RSRP1: variants seen among roughly 807,000 people sequenced by gnomAD.
RSRP1 encodes the protein arginine/serine-rich protein 1.
Under a neutral mutation model 33.0 loss-of-function variants are expected in RSRP1, and 37 were observed. That is an observed-to-expected ratio of 1.12 (90% CI 0.86 to 1.48). The LOEUF (loss-of-function observed/expected upper bound fraction) is 1.48. Among genes scored for constraint, RSRP1 ranks in the 40% most tolerant of loss-of-function variants. RSRP1 has a pLI of 0.00. For missense variants in RSRP1, 402 were observed against 385.3 expected (o/e 1.04, Z -0.36); for synonymous variants, 167 against 158.7 (o/e 1.05, Z -0.40).
At position 25,290,791 on chromosome 1, in the gene RSRP1, C is replaced by T. The variant is rs371990272; in HGVS notation, c.-66-43762G>A. 1.3e-5 allele frequency: 18 copies of T among 1,376,208 alleles called. 4 individuals carry two copies. The highest frequency in any genetic ancestry group is 1.8e-4 in the Middle Eastern group (1 of 5,516). 85.2% of individuals were successfully genotyped at this position (1,376,208 alleles called of 1,614,324 possible). On this transcript the variant is annotated intron_variant, in intron 1 of 1. Transcript: ENST00000561867. ...GGATGGTCATCAGTAATATCTTCAA[C>T]GTGAGTCATGGTGCTGGGAGGAGGG...
At chr1:25,264,329 C>T (rs528961931) in intron 1 of RSRP1, among the ~76,000 whole-genome samples, 1 of 152,094 alleles carries the variant, frequency 6.6e-6, no homozygotes, top group South Asian at 2.1e-4. Flanking sequence ...GGCATCCAGG[C>T]ATTTCCGCAC....
intron 3 of RSRP1, chr1:25,244,507 CAGAAAT>C (rs1222134498): frequency 5.4e-6 from 7 of 1,289,164 alleles, no homozygotes; most frequent in South Asian, 1.2e-5. Context: ...TTCTATAAGA[CAGAAAT>C]AGAGCAGATA....
chr1:25,319,331 TA>T lies in RSRP1; in HGVS notation c.-67+18646del, dbSNP rs1348436767. ...TTTTTGACATGAGCAAACTGGTGAT[TA>T]AAAACAACTTGGGTGGCTCATACTT... On this transcript the variant is annotated intron_variant, in intron 1 of 1. Coordinates refer to the RSRP1 transcript ENST00000561867. Among the ~76,000 whole-genome samples, 2 of 132,464 alleles carry T rather than the reference TA, an allele frequency of 1.5e-5. 1 individual carries two copies. Among genetic ancestry groups the T allele is most frequent in the Non-Finnish European group, 3.6e-5 (2 of 55,814 alleles). 86.9% of individuals were successfully genotyped at this position (132,464 alleles called of 152,430 possible). A position where few individuals can be genotyped will look rare whatever the true frequency, so the allele number is the denominator to read the frequency against.
At chr1:25,246,327 AG>A in intron 2 of RSRP1, 116 bp downstream of exon 2, 1 of 1,471,020 alleles carries the variant, frequency 6.8e-7, no homozygotes, top group Non-Finnish European at 9.2e-7. Flanking sequence ...TCCTCCAAAA[AG>A]ATTTCGGGCA....
chr1:25,294,272 G>C lies in RSRP1; in HGVS notation c.-67+43706C>G. 1.8e-6 allele frequency: 2 copies of C among 1,123,148 alleles called. 1 individual carries two copies. Among genetic ancestry groups the C allele is most frequent in the Non-Finnish European group, 2.7e-6 (2 of 748,264 alleles). 69.6% of individuals were successfully genotyped at this position (1,123,148 alleles called of 1,614,324 possible). A position where few individuals can be genotyped will look rare whatever the true frequency, so the allele number is the denominator to read the frequency against. ...CTGAAAATGCCAAAAGCCCTGCCTT[G>C]GCAGCTTTCTGCGAGGCATCCCCAT... On this transcript the variant is annotated intron_variant, in intron 1 of 1. Transcript: ENST00000561867.
chr1:25,256,142 C>T (rs939477086), intron 1 of RSRP1, among the ~76,000 whole-genome samples: 8 of 151,106 alleles, frequency 5.3e-5, no homozygotes, highest in East Asian at 1.9e-4. Context: ...GTCTTCTATC[C>T]GGATCTTTTT....
intron 1 of RSRP1, among the ~76,000 whole-genome samples, chr1:25,276,921 G>A (rs1363431137): frequency 7.7e-6 from 1 of 130,410 alleles, no homozygotes; most frequent in African/African-American, 2.6e-5. Flanking sequence ...AAAAAAATTA[G>A]CCGGGTGTGG....
At chr1:25,256,915 AC>A (rs1639967197) in intron 1 of RSRP1, among the ~76,000 whole-genome samples, 1 of 151,972 alleles carries the variant, frequency 6.6e-6, no homozygotes, top group Non-Finnish European at 1.5e-5. Context: ...AGTTACCTTC[AC>A]TTGCTTTCCT....
Position 25,289,153 on chromosome 1 carries a change from T to TG in RSRP1, c.-66-42125dup, listed in dbSNP as rs201968383. Among the ~76,000 whole-genome samples, 264 of 132,040 alleles carry TG rather than the reference T, an allele frequency of 2.0e-3. 19 individuals carry two copies. Among genetic ancestry groups the TG allele is most frequent in the African/African-American group, 6.2e-3 (239 of 38,690 alleles). 86.6% of individuals were successfully genotyped at this position (132,040 alleles called of 152,430 possible). Reference sequence around the variant, plus strand: ...ATCCTCTACGTGACCCTCTGTAAAATGGGATACTGAATGGTGAGCTAGCAC... The same window carrying TG: ...ATCCTCTACGTGACCCTCTGTAAAATGGGGATACTGAATGGTGAGCTAGCAC... On this transcript the variant is annotated intron_variant, in intron 1 of 1. Transcript: ENST00000561867.
rs776524533 is a variant in RSRP1 at position 25,333,047 on chromosome 1, C to A, written c.-67+4931G>T. On this transcript the variant is annotated intron_variant, in intron 1 of 1. Transcript: ENST00000561867. ...ACGGAAAGGCTGGTGTAGGTCCTGG[C>A]GTCCTGAGACCCAACAGCCTGGGAT... Among the ~76,000 whole-genome samples the A allele has an allele frequency of 3.7e-4, 48 of 131,496 alleles. 10 individuals are homozygous for A. The highest frequency in any genetic ancestry group is 5.6e-4 in the Non-Finnish European group (31 of 55,588). The allele number at this position is 131,496 out of a possible 152,430, so 86.3% of individuals were successfully genotyped here. A position where few individuals can be genotyped will look rare whatever the true frequency, so the allele number is the denominator to read the frequency against.
At chr1:25,308,432 C>G (rs1643963757) in intron 1 of RSRP1, among the ~76,000 whole-genome samples, 1 of 126,678 alleles carries the variant, frequency 7.9e-6, no homozygotes, top group Non-Finnish European at 1.8e-5. Flanking sequence ...CTTGCAAGCT[C>G]AAGTTTTAGA....
In RSRP1 at chr1:25,247,387, G is replaced by C. The variant is rs1454056274; in HGVS notation, c.-145C>G. 5.6e-6 allele frequency: 1 copy of C among 177,732 alleles called. No individual in the cohort carries two copies. Among genetic ancestry groups the C allele is most frequent in the African/African-American group, 2.4e-5 (1 of 42,412 alleles). The allele number at this position is 177,732 out of a possible 1,614,324, so 11.0% of individuals were successfully genotyped here. A position where few individuals can be genotyped will look rare whatever the true frequency, so the allele number is the denominator to read the frequency against. On this transcript the variant is annotated 5_prime_UTR_variant, in exon 1 of 5. Coordinates refer to ENST00000243189, the MANE Select transcript of RSRP1 (RefSeq NM_020317.5). ...TCCTTTCGGAACGTAAGACGAAGTG[G>C]GGCTTTTAGTCCCTGCTTTCGAACG...
chr1:25,334,123 C>T (rs1454613498), intron 1 of RSRP1, among the ~76,000 whole-genome samples: 1 of 131,548 alleles, frequency 7.6e-6, no homozygotes, highest in Admixed American at 7.4e-5. Flanking sequence ...CAAGGCAAGT[C>T]CTTTCCATCT....
At position 25,242,617 on chromosome 1, in the gene RSRP1, CTT is replaced by C. The variant is rs754096516; in HGVS notation, c.843_844del (p.Pro283IlefsTer13). On this transcript the variant is annotated frameshift_variant, in exon 5 of 5. Transcript: ENST00000243189. LOFTEE classifies it high-confidence loss of function. The stretch of plus-strand genomic sequence containing the variant: ...GATAGGTATCCACAGTCCATATGGA[CTT>C]TTTTTCTGATCTATTTTTGGTGATC... 1.9e-6 allele frequency: 3 copies of C among 1,612,268 alleles called. No homozygotes were observed. In the South Asian group the frequency reaches 3.3e-5, roughly 18 times the overall value.
At position 25,243,543 on chromosome 1, in the gene RSRP1, T is replaced by A; in HGVS notation, c.756+7A>T. 1 of 1,613,116 alleles carries A rather than the reference T, an allele frequency of 6.2e-7. No homozygotes were observed. Among genetic ancestry groups the A allele is most frequent in the Non-Finnish European group, 8.5e-7 (1 of 1,179,474 alleles). On this transcript the variant is annotated splice_region_variant and intron_variant, in intron 4 of 4. Transcript: ENST00000243189. ...TTTTTGAGTGTTCAATGCCTGGATATACTTACATTAGAGCTAAAAGCTATG... is the reference window on the plus strand; with the variant it reads ...TTTTTGAGTGTTCAATGCCTGGATAAACTTACATTAGAGCTAAAAGCTATG...
intron 1 of RSRP1, chr1:25,301,160 G>A: frequency 7.6e-7 from 1 of 1,307,936 alleles, no homozygotes; most frequent in East Asian, 2.3e-5. Context: ...AAAGGCTCTG[G>A]CTGAAAAAAT....
chr1:25,246,905 G>T lies in RSRP1; in HGVS notation c.59C>A (p.Ser20Ter). ...PGSPQEKDSP[S>*]TSRSGGSSRL... ...GCTGGACCCGCCCGACCGCGAGGTC[G>T]AGGGCGAATCCTTCTCCTGCGGCGA... is the stretch of plus-strand genomic sequence containing the variant. Residue 20 changes from serine (S) to a stop codon, truncating the protein, a stop_gained, in exon 2 of 5, where the codon TCG becomes TAG. Coordinates refer to ENST00000243189, the MANE Select transcript of RSRP1 (RefSeq NM_020317.5). LOFTEE classifies it high-confidence loss of function. 3.1e-6 allele frequency: 5 copies of T among 1,603,480 alleles called. No homozygotes were observed. The highest frequency in any genetic ancestry group is 4.3e-6 in the Non-Finnish European group (5 of 1,172,780).
At position 25,246,610 on chromosome 1, in the gene RSRP1, C is replaced by G; in HGVS notation, c.354G>C (p.Arg118Ser). The G allele has an allele frequency of 1.9e-6, 3 of 1,614,072 alleles. No individual in the cohort carries two copies. Among genetic ancestry groups the G allele is most frequent in the Non-Finnish European group, 2.5e-6 (3 of 1,180,012 alleles). Residue 118 changes from arginine (R) to serine (S), a missense_variant, in exon 2 of 5, where the codon AGG (arginine) becomes AGC (serine). Physicochemically the swap from Arg to Ser is moderately radical, Grantham distance 110. Coordinates refer to ENST00000243189, the MANE Select transcript of RSRP1 (RefSeq NM_020317.5). ...AGTACGACCTTCCCCGAGAGCGCGACCTGCTACGGGACCGGGACCGGTACC... is the reference window on the plus strand; with the variant it reads ...AGTACGACCTTCCCCGAGAGCGCGAGCTGCTACGGGACCGGGACCGGTACC... ...PSRYRSRSRSRSRSRGRSYCG... is the reference protein window; with the variant it reads ...PSRYRSRSRSSSRSRGRSYCG...
At chr1:25,243,672 A>G in intron 3 of RSRP1, 39 bp from the exon 4 acceptor site, 1 of 1,606,930 alleles carries the variant, frequency 6.2e-7, no homozygotes, top group Non-Finnish European at 8.5e-7. Flanking sequence ...TAAAACACAT[A>G]CCCTTGGTTT....
Sources: gnomAD v4.1 joint callset for allele counts (sites outside exome capture counted in the v4.1 genomes callset) on GRCh38, gnomAD v4.1.1 for gene constraint, MANE v1.5 for transcripts, NCBI Gene and HGNC (gene_info 2026-07-23, HGNC 2026-07-21) for gene names.